Variants in NUBPL observed in about 807,000 individuals in gnomAD.
The protein encoded by NUBPL is NUBP iron-sulfur cluster assembly factor, mitochondrial.
In NUBPL, 31 loss-of-function variants were observed where a neutral mutation model predicts 45.7. The observed-to-expected ratio is 0.68, with a 90% confidence interval of 0.51 to 0.92. NUBPL has a LOEUF of 0.92. Among genes scored for constraint, NUBPL ranks in the 40% least tolerant of loss-of-function variants. The probability of loss-of-function intolerance (pLI) is 0.00; values close to 1 mark genes in which losing one functional copy is unlikely to be tolerated. For missense variants in NUBPL, 401 were observed against 398.7 expected, an observed-to-expected ratio of 1.01 and a Z score of -0.05; for synonymous variants, 144 against 140.9, an observed-to-expected ratio of 1.02 and a Z score of -0.15.
In NUBPL at chr14:31,785,605, T is replaced by A. The variant is rs558797680; in HGVS notation, c.514-2175T>A. On this transcript the variant is annotated intron_variant, in intron 6 of 10. Transcript: ENST00000281081. Reference sequence around the variant, plus strand: ...GGTTGTGGACTGCTGTAGTAAGGGATACCTGTAGTTTTCTTCACAGCACTT... The same window carrying A: ...GGTTGTGGACTGCTGTAGTAAGGGAAACCTGTAGTTTTCTTCACAGCACTT... Among the ~76,000 whole-genome samples, 96 of 152,344 alleles carry A rather than the reference T, an allele frequency of 6.3e-4. 4 individuals carry two copies. In the South Asian group the frequency reaches 0.019, roughly 31 times the overall value.
intron 4 of NUBPL, among the ~76,000 whole-genome samples, chr14:31,605,172 A>C (rs1485371515): frequency 1.3e-5 from 2 of 152,206 alleles, no homozygotes; most frequent in Non-Finnish European, 2.9e-5. Context: ...AGTATAGCCA[A>C]ATTATAGTCC....
At chr14:31,840,482 G>C (rs2040351934) in intron 8 of NUBPL, among the ~76,000 whole-genome samples, 1 of 151,576 alleles carries the variant, frequency 6.6e-6, no homozygotes, top group African/African-American at 2.4e-5. Context: ...GCGGAGGTAG[G>C]AGAATGGTGT....
intron 3 of NUBPL, among the ~76,000 whole-genome samples, chr14:31,570,667 G>A (rs1440494446): frequency 6.6e-6 from 1 of 152,126 alleles, no homozygotes; most frequent in Non-Finnish European, 1.5e-5. Flanking sequence ...TTTCCAGTAT[G>A]TTCCCATTGT....
intron 6 of NUBPL, among the ~76,000 whole-genome samples, chr14:31,756,583 G>A (rs2038670002): frequency 1.3e-5 from 2 of 150,808 alleles, no homozygotes; most frequent in South Asian, 4.2e-4. Flanking sequence ...TTGCTTATCA[G>A]CTTGAGGAGA....
At chr14:31,623,830 A>G (rs1368510084) in intron 4 of NUBPL, among the ~76,000 whole-genome samples, 1 of 152,206 alleles carries the variant, frequency 6.6e-6, no homozygotes, top group African/African-American at 2.4e-5. Context: ...GCATGGTTAA[A>G]GTAAAAGTCT....
intron 4 of NUBPL, among the ~76,000 whole-genome samples, chr14:31,614,779 C>T (rs989621668): frequency 2.0e-5 from 3 of 152,116 alleles, no homozygotes; most frequent in Admixed American, 6.6e-5. Flanking sequence ...TGGTCTTTCT[C>T]TGTGAACTTA....
chr14:31,716,587 C>T (rs117107246), intron 6 of NUBPL, among the ~76,000 whole-genome samples: 1,625 of 152,296 alleles, frequency 0.011, 16 homozygotes, highest in Non-Finnish European at 0.017. Context: ...CTTCTCTGCA[C>T]ATAACTGTAA....
At chr14:31,722,379 G>A (rs1021350241) in intron 6 of NUBPL, among the ~76,000 whole-genome samples, 7 of 152,144 alleles carry the variant, frequency 4.6e-5, no homozygotes, top group African/African-American at 1.7e-4. Context: ...CTTTGCTATT[G>A]TGAATAGTAT....
chr14:31,728,615 T>C (rs1035501066), intron 6 of NUBPL, among the ~76,000 whole-genome samples: 11 of 152,076 alleles, frequency 7.2e-5, no homozygotes, highest in African/African-American at 2.4e-4. Context: ...TTTAGAAGGG[T>C]CAAAGAGAAA....
At chr14:31,634,724 A>T (rs1425915041) in intron 4 of NUBPL, among the ~76,000 whole-genome samples, 1 of 151,820 alleles carries the variant, frequency 6.6e-6, no homozygotes, top group African/African-American at 2.4e-5. Flanking sequence ...AAGTGTTCCT[A>T]TTTCTCCACA....
chr14:31,778,677 A>ACCCAGTTT (rs2039139166), intron 6 of NUBPL, among the ~76,000 whole-genome samples: 3 of 152,352 alleles, frequency 2.0e-5, no homozygotes, highest in South Asian at 2.1e-4. Context: ...GAAGGTGTTA[A>ACCCAGTTT]CCCAGTTTGA....
intron 4 of NUBPL, among the ~76,000 whole-genome samples, chr14:31,646,683 A>G (rs2035862868): frequency 6.6e-6 from 1 of 151,874 alleles, no homozygotes; most frequent in Non-Finnish European, 1.5e-5. Context: ...TATATGCCTT[A>G]GGGTAGTCTT....
intron 6 of NUBPL, among the ~76,000 whole-genome samples, chr14:31,760,189 G>C (rs2038775997): frequency 6.7e-6 from 1 of 148,696 alleles, no homozygotes; most frequent in African/African-American, 2.5e-5. Context: ...GAGACAGGGT[G>C]TCACTTTGCA....
intron 3 of NUBPL, among the ~76,000 whole-genome samples, chr14:31,573,803 A>G (rs950553740): frequency 2.0e-5 from 3 of 152,206 alleles, no homozygotes; most frequent in African/African-American, 7.2e-5. Context: ...GGAAAGGATG[A>G]ACACTTTCTA....
intron 6 of NUBPL, among the ~76,000 whole-genome samples, chr14:31,685,887 C>T (rs1239704701): frequency 6.6e-6 from 1 of 152,076 alleles, no homozygotes; most frequent in Non-Finnish European, 1.5e-5. Context: ...GCTTTCTATT[C>T]CACTCTCCCA....
intron 6 of NUBPL, among the ~76,000 whole-genome samples, chr14:31,723,699 TGTGTCA>T (rs1304065917): frequency 6.6e-6 from 1 of 152,238 alleles, no homozygotes; most frequent in Admixed American, 6.5e-5. Flanking sequence ...TTATTCTTTT[TGTGTCA>T]GTTATGAATG....
chr14:31,791,319 A>T (rs1396403860), intron 7 of NUBPL, among the ~76,000 whole-genome samples: 2 of 152,108 alleles, frequency 1.3e-5, no homozygotes, highest in Non-Finnish European at 2.9e-5. Flanking sequence ...CAAACCTAAA[A>T]TTTATTTTAT....
At chr14:31,661,277 T>C (rs2139770286) in intron 4 of NUBPL, among the ~76,000 whole-genome samples, 1 of 152,338 alleles carries the variant, frequency 6.6e-6, no homozygotes, top group South Asian at 2.1e-4. Flanking sequence ...TGTATCATGA[T>C]AAGTTCAGCT....
chr14:31,696,199 G>C (rs1273594327), intron 6 of NUBPL, among the ~76,000 whole-genome samples: 1 of 152,138 alleles, frequency 6.6e-6, no homozygotes, highest in Non-Finnish European at 1.5e-5. Flanking sequence ...CAGCCTTCTG[G>C]TTATATATAG....
Sources: gnomAD v4.1 joint callset for allele counts (sites outside exome capture counted in the v4.1 genomes callset) on GRCh38, gnomAD v4.1.1 for gene constraint, MANE v1.5 for transcripts, NCBI Gene and HGNC (gene_info 2026-07-23, HGNC 2026-07-21) for gene names.